The following RHOH variants were observed in gnomAD, a reference collection of about 807,000 sequenced individuals.
The protein encoded by RHOH is rho-related GTP-binding protein RhoH.
A neutral mutation model predicts 13.8 loss-of-function variants in RHOH; 6 were observed. That is an observed-to-expected ratio of 0.44 (90% CI 0.24 to 0.86). RHOH has a LOEUF of 0.86. Ranked by LOEUF, RHOH falls within the 40% of genes least tolerant of loss-of-function variation. The pLI, the probability that RHOH is intolerant of heterozygous loss-of-function variation, is 0.24. For synonymous variants in RHOH, 117 were observed against 103.0 expected, an observed-to-expected ratio of 1.14 and a Z score of -0.82; for missense variants, 147 against 244.5, an observed-to-expected ratio of 0.60 and a Z score of 2.66.
At chr4:40,236,492 C>A (rs771758252) in intron 1 of RHOH, among the ~76,000 whole-genome samples, 1 of 152,100 alleles carries the variant, frequency 6.6e-6, no homozygotes, top group Non-Finnish European at 1.5e-5. Context: ...AATCATCCCC[C>A]ATAAAAGTAA....
At chr4:40,191,935 GTT>G (rs112598152), upstream of RHOH, among the ~76,000 whole-genome samples, 3 of 146,274 alleles carry the variant, frequency 2.1e-5, no homozygotes, top group African/African-American at 2.5e-5. Context: ...AGGGAGGCTG[GTT>G]TTTTTTTTTT....
At chr4:40,198,983 G>A (rs1343719870) in intron 1 of RHOH, among the ~76,000 whole-genome samples, 2 of 151,950 alleles carry the variant, frequency 1.3e-5, no homozygotes, top group African/African-American at 4.8e-5. Flanking sequence ...CATACAGCAC[G>A]GTGAATAAGA....
At chr4:40,203,039 T>C (rs559482169) in intron 1 of RHOH, among the ~76,000 whole-genome samples, 1 of 152,328 alleles carries the variant, frequency 6.6e-6, no homozygotes, top group South Asian at 2.1e-4. Flanking sequence ...TGGCATGATC[T>C]TGGCTCACTG....
chr4:40,207,773 C>A (rs1429857057), intron 1 of RHOH, among the ~76,000 whole-genome samples: 2 of 152,154 alleles, frequency 1.3e-5, no homozygotes, highest in African/African-American at 4.8e-5. Context: ...TCGAGACCAG[C>A]CTGGCCAACA....
At chr4:40,191,275 T>A (rs1051904401), upstream of RHOH, 7 of 152,198 alleles carry the variant, frequency 4.6e-5, no homozygotes, top group Non-Finnish European at 7.4e-5. Flanking sequence ...TGCAAAATCT[T>A]TTTCCTTTTA....
chr4:40,216,249 G>T (rs1396299548), intron 1 of RHOH, among the ~76,000 whole-genome samples: 1 of 150,660 alleles, frequency 6.6e-6, no homozygotes, highest in Non-Finnish European at 1.5e-5. Context: ...TGGGTGAATT[G>T]CTTGAGCTCA....
intron 1 of RHOH, among the ~76,000 whole-genome samples, chr4:40,237,763 C>T (rs1436658195): frequency 6.6e-6 from 1 of 152,120 alleles, no homozygotes; most frequent in Non-Finnish European, 1.5e-5. Context: ...ATTGATAGGC[C>T]ATCCCCAACT....
chr4:40,195,055 T>G (rs1722981796), upstream of RHOH, among the ~76,000 whole-genome samples: 1 of 152,240 alleles, frequency 6.6e-6, no homozygotes, highest in Non-Finnish European at 1.5e-5. Flanking sequence ...TCCTGCTTCA[T>G]ACCAGTTGCT....
chr4:40,216,345 T>A (rs572330372), intron 1 of RHOH, among the ~76,000 whole-genome samples: 1 of 152,012 alleles, frequency 6.6e-6, no homozygotes, highest in Admixed American at 6.6e-5. Context: ...GGCAGGTGCC[T>A]GTAATCCCAG....
chr4:40,231,905 T>G (rs946254021), intron 1 of RHOH, among the ~76,000 whole-genome samples: 11 of 152,200 alleles, frequency 7.2e-5, no homozygotes, highest in African/African-American at 2.7e-4. Flanking sequence ...GCCCTAGGTT[T>G]TTCCTTCATT....
At chr4:40,223,466 C>CTTTT (rs36119984) in intron 1 of RHOH, among the ~76,000 whole-genome samples, 6 of 94,474 alleles carry the variant, frequency 6.4e-5, no homozygotes, top group African/African-American at 2.0e-4. Context: ...TGATTGTTAG[C>CTTTT]TTTTTTTTTT....
At chr4:40,235,746 A>G (rs1015680974) in intron 1 of RHOH, among the ~76,000 whole-genome samples, 3 of 151,776 alleles carry the variant, frequency 2.0e-5, no homozygotes, top group Non-Finnish European at 4.4e-5. Flanking sequence ...GGCTGAGGCA[A>G]GAGGATTGCT....
chr4:40,214,232 G>A (rs547786781), intron 1 of RHOH, among the ~76,000 whole-genome samples: 1 of 152,308 alleles, frequency 6.6e-6, no homozygotes, highest in Admixed American at 6.5e-5. Context: ...TGTTTGCACA[G>A]TATACGAGAA....
At chr4:40,224,010 G>A (rs1726931278) in intron 1 of RHOH, among the ~76,000 whole-genome samples, 1 of 152,068 alleles carries the variant, frequency 6.6e-6, no homozygotes. Flanking sequence ...GACCTCAGGT[G>A]ATCTGCCTGC....
chr4:40,232,870 T>G (rs1452947543), intron 1 of RHOH, among the ~76,000 whole-genome samples: 1 of 152,182 alleles, frequency 6.6e-6, no homozygotes, highest in South Asian at 2.1e-4. Context: ...ATCAAAATCT[T>G]ACTCATCCTA....
At chr4:40,232,574 A>G (rs1728073569) in intron 1 of RHOH, among the ~76,000 whole-genome samples, 1 of 152,118 alleles carries the variant, frequency 6.6e-6, no homozygotes. Context: ...TTATGTGCCA[A>G]AGACCCAGGG....
intron 1 of RHOH, among the ~76,000 whole-genome samples, chr4:40,239,133 G>A (rs942920644): frequency 2.0e-5 from 3 of 152,164 alleles, no homozygotes; most frequent in African/African-American, 7.2e-5. Flanking sequence ...ACAATGATGC[G>A]GTGGTTTGTT....
chr4:40,219,053 C>T (rs1726214470), intron 1 of RHOH, among the ~76,000 whole-genome samples: 1 of 152,086 alleles, frequency 6.6e-6, no homozygotes, highest in Non-Finnish European at 1.5e-5. Context: ...AAAAGATTTA[C>T]AATCTATTAC....
chr4:40,246,248 C>G lies in RHOH; in HGVS notation c.*2286C>G, dbSNP rs1729759355. ...CTATTCACTGCAGTGGGCTGTCCCCCAGGCTTTTCTTTCTCTCTTGTTGAA... is the reference window on the plus strand; with the variant it reads ...CTATTCACTGCAGTGGGCTGTCCCCGAGGCTTTTCTTTCTCTCTTGTTGAA... On this transcript the variant is annotated 3_prime_UTR_variant, in exon 3 of 3. Coordinates refer to ENST00000381799, the MANE Select transcript of RHOH (RefSeq NM_004310.5). 6.6e-6 allele frequency: 1 copy of G among 152,248 alleles called. No homozygotes were observed. Among genetic ancestry groups the G allele is most frequent in the Non-Finnish European group, 1.5e-5 (1 of 68,076 alleles). The allele number at this position is 152,248 out of a possible 1,614,324, so 9.4% of individuals were successfully genotyped here. A position where few individuals can be genotyped will look rare whatever the true frequency, so the allele number is the denominator to read the frequency against.
Sources: gnomAD v4.1 joint callset for allele counts (sites outside exome capture counted in the v4.1 genomes callset) on GRCh38, gnomAD v4.1.1 for gene constraint, MANE v1.5 for transcripts, NCBI Gene and HGNC (gene_info 2026-07-23, HGNC 2026-07-21) for gene names.